Variants in CPNE4 observed in about 807,000 individuals in gnomAD.
The protein encoded by CPNE4 is copine-4.
In CPNE4, 25 loss-of-function variants were observed where a neutral mutation model predicts 67.9. The ratio of observed to expected loss-of-function variants is 0.37; its 90% CI spans 0.27 to 0.51. The LOEUF is 0.51. Ranked by LOEUF, CPNE4 falls within the 20% of genes least tolerant of loss-of-function variation. CPNE4 has a pLI of 0.93. For missense variants in CPNE4, 464 were observed against 690.8 expected (o/e 0.67, Z 3.68); for synonymous variants, 242 against 244.9 (o/e 0.99, Z 0.11).
intron 2 of CPNE4, among the ~76,000 whole-genome samples, chr3:131,725,551 A>G (rs1225447239): frequency 1.3e-5 from 2 of 152,214 alleles, no homozygotes; most frequent in African/African-American, 4.8e-5. Flanking sequence ...ATGTTCATTC[A>G]GAGGGTGATG....
chr3:131,844,374 C>G (rs545281518), intron 2 of CPNE4, among the ~76,000 whole-genome samples: 1 of 151,798 alleles, frequency 6.6e-6, no homozygotes, highest in East Asian at 2.0e-4. Flanking sequence ...TCAAGCAATT[C>G]TCCTGCCTCA....
At chr3:131,914,801 ACT>A (rs1237066106) in intron 1 of CPNE4, among the ~76,000 whole-genome samples, 2 of 151,610 alleles carry the variant, frequency 1.3e-5, no homozygotes, top group Non-Finnish European at 2.9e-5. Flanking sequence ...ACATGGAAAA[ACT>A]CTGTCTCTAC....
chr3:131,971,309 T>C (rs1235840601), intron 1 of CPNE4, among the ~76,000 whole-genome samples: 3 of 152,314 alleles, frequency 2.0e-5, no homozygotes, highest in Non-Finnish European at 4.4e-5. Flanking sequence ...AGAACATCAC[T>C]TCTACTGAAT....
intron 7 of CPNE4, among the ~76,000 whole-genome samples, chr3:131,648,852 C>T (rs2079736004): frequency 6.6e-6 from 1 of 152,128 alleles, no homozygotes; most frequent in Non-Finnish European, 1.5e-5. Flanking sequence ...CTACTAAGCT[C>T]TGGACCATGC....
In CPNE4 at chr3:131,838,515, C is replaced by T. The variant is rs561093719; in HGVS notation, c.180+66749G>A. ...GTGATACAATATATTTAAAAATAAA[C>T]CCTACAAATCCTGAAAATCAATAGT... On this transcript the variant is annotated intron_variant, in intron 2 of 15. Transcript: ENST00000429747. 1.9e-4 allele frequency among the ~76,000 whole-genome samples: 28 copies of T among 151,152 alleles called. No individual in the cohort carries two copies. The South Asian group carries it at 5.2e-3, about 28-fold the overall frequency.
chr3:131,623,895 CA>C (rs1405222749), intron 7 of CPNE4, among the ~76,000 whole-genome samples: 1 of 152,166 alleles, frequency 6.6e-6, no homozygotes, highest in Admixed American at 6.5e-5. Flanking sequence ...TTTATTCATT[CA>C]ATCGGTAATG....
intron 1 of CPNE4, among the ~76,000 whole-genome samples, chr3:131,924,003 C>T (rs1270666487): frequency 6.6e-6 from 1 of 152,140 alleles, no homozygotes; most frequent in Non-Finnish European, 1.5e-5. Flanking sequence ...CGTGGCCCAG[C>T]TTAATTCAAC....
chr3:131,683,901 G>A (rs1228091980), intron 6 of CPNE4, among the ~76,000 whole-genome samples: 1 of 152,098 alleles, frequency 6.6e-6, no homozygotes, highest in Admixed American at 6.5e-5. Context: ...CGCAGGATGA[G>A]TTATGCCCAG....
At chr3:131,795,424 TCAGA>T (rs925802138) in intron 2 of CPNE4, among the ~76,000 whole-genome samples, 19 of 152,250 alleles carry the variant, frequency 1.2e-4, no homozygotes, top group African/African-American at 4.6e-4. Flanking sequence ...GTATGTGAGG[TCAGA>T]CATTCCTTGT....
chr3:131,869,656 G>A (rs1384573412), intron 2 of CPNE4, among the ~76,000 whole-genome samples: 2 of 152,092 alleles, frequency 1.3e-5, no homozygotes, highest in African/African-American at 4.8e-5. Flanking sequence ...TGCATTATAT[G>A]TTTTGTATTT....
intron 2 of CPNE4, among the ~76,000 whole-genome samples, chr3:131,760,760 G>A (rs998128624): frequency 3.3e-5 from 5 of 152,090 alleles, no homozygotes; most frequent in East Asian, 1.9e-4. Context: ...ACTTAAATAC[G>A]TGACACTTTT....
intron 7 of CPNE4, among the ~76,000 whole-genome samples, chr3:131,665,064 T>G (rs190069503): frequency 1.8e-4 from 27 of 152,230 alleles, no homozygotes; most frequent in Admixed American, 9.2e-4. Flanking sequence ...TAGAGTTACA[T>G]TAAAAAATGA....
chr3:131,942,463 T>TGAGAGAGAGA (rs59277847), intron 1 of CPNE4, among the ~76,000 whole-genome samples: 19 of 70,768 alleles, frequency 2.7e-4, no homozygotes, highest in East Asian at 9.1e-4. Context: ...TGTGTGTGTG[T>TGAGAGAGAGA]GAGAGAGAGA....
At chr3:132,024,205 A>G (rs1043001422) in intron 1 of CPNE4, among the ~76,000 whole-genome samples, 2 of 151,026 alleles carry the variant, frequency 1.3e-5, no homozygotes, top group Non-Finnish European at 2.9e-5. Context: ...TGCCTCAGCC[A>G]CCTGAGTAGC....
intron 2 of CPNE4, among the ~76,000 whole-genome samples, chr3:131,753,503 GA>G (rs1356285523): frequency 6.6e-6 from 1 of 152,036 alleles, no homozygotes; most frequent in African/African-American, 2.4e-5. Context: ...ACATGTAGAA[GA>G]AATTTAGGTA....
intron 1 of CPNE4, among the ~76,000 whole-genome samples, chr3:131,946,199 G>A (rs2071547092): frequency 6.6e-6 from 1 of 151,910 alleles, no homozygotes; most frequent in Non-Finnish European, 1.5e-5. Context: ...CCCAGCCCCT[G>A]ACAACCACCA....
At chr3:131,628,315 C>T (rs909382665) in intron 7 of CPNE4, among the ~76,000 whole-genome samples, 1 of 152,090 alleles carries the variant, frequency 6.6e-6, no homozygotes, top group Non-Finnish European at 1.5e-5. Flanking sequence ...GCTGGGGAGG[C>T]CTCAGAATCA....
At chr3:131,580,585 G>A (rs1937763339) in intron 9 of CPNE4, among the ~76,000 whole-genome samples, 1 of 152,018 alleles carries the variant, frequency 6.6e-6, no homozygotes, top group South Asian at 2.1e-4. Flanking sequence ...TAAAATCTCA[G>A]CTCTTAAATT....
intron 7 of CPNE4, among the ~76,000 whole-genome samples, chr3:131,589,574 C>T (rs1201278509): frequency 6.6e-6 from 1 of 152,202 alleles, no homozygotes; most frequent in Admixed American, 6.5e-5. Context: ...AGAAACAAGA[C>T]TTTTCCAGCT....
Sources: allele counts gnomAD v4.1 joint callset (sites outside exome capture counted in the v4.1 genomes callset), GRCh38; gene constraint gnomAD v4.1.1; transcripts MANE v1.5; gene names NCBI Gene and HGNC (gene_info 2026-07-23, HGNC 2026-07-21).